PMS2: variants seen among roughly 807,000 people sequenced by gnomAD.
PMS2 encodes the protein PMS1 homolog 2, mismatch repair system component, also known as mismatch repair endonuclease PMS2.
In PMS2, 69 loss-of-function variants were observed where a neutral mutation model predicts 90.0. The ratio of observed to expected loss-of-function variants is 0.77; its 90% CI spans 0.63 to 0.94. PMS2 has a LOEUF of 0.94. Ranked by LOEUF, PMS2 falls within the 40% of genes least tolerant of loss-of-function variation. The pLI is 0.00. For synonymous variants in PMS2, 332 were observed against 375.1 expected (o/e 0.89, Z 1.33); for missense variants, 966 against 1,040.2 (o/e 0.93, Z 0.98).
rs147399413 is a variant in PMS2, at chr7:5,987,556, G to A, written c.1209C>T (p.Ser403=). 31 of 1,613,546 alleles carry A rather than the reference G, an allele frequency of 1.9e-5. No homozygotes were observed. In the Admixed American group the frequency reaches 4.8e-4, roughly 25 times the overall value. ...EKPMVEKQDQ[S]PSLRTGEEKK... is the part of the protein sequence containing the mutation. ...TTTCTTCTCCAGTCCTTAATGAAGG[G>A]GATTGATCCTGCTTTTCTACCATGG... Residue 403 remains serine, a synonymous_variant, in exon 11 of 15, where the codon TCC becomes TCT. Transcript: ENST00000265849.
At chr7:6,005,070 A>G (rs1168185033) in intron 2 of PMS2, among the ~76,000 whole-genome samples, 2 of 151,798 alleles carry the variant, frequency 1.3e-5, no homozygotes, top group African/African-American at 2.4e-5. Context: ...ACATCTGGCT[A>G]ATTTTTGTAT....
chr7:5,992,074 G>A lies in PMS2; in HGVS notation c.904-17C>T, dbSNP rs758503886. On this transcript the variant is annotated splice_polypyrimidine_tract_variant and intron_variant, in intron 8 of 14. Transcript: ENST00000265849. ...TCTGCAGACCTGCACAAAATACAAG[G>A]AGTAGAAAAGAATAAATGACAAATG... 1 of 1,347,406 alleles carries A rather than the reference G, an allele frequency of 7.4e-7. No homozygotes were observed. The allele number at this position is 1,347,406 out of a possible 1,614,324, so 83.5% of individuals were successfully genotyped here. A position where few individuals can be genotyped will look rare whatever the true frequency, so the allele number is the denominator to read the frequency against.
rs1248285302 is a variant in PMS2 at position 5,990,284 on chromosome 7, A to T, written c.989-329T>A. Among the ~76,000 whole-genome samples, 4 of 152,354 alleles carry T rather than the reference A, an allele frequency of 2.6e-5. No homozygotes were observed. The East Asian group carries it at 7.7e-4, about 29-fold the overall frequency. ...TGGCCTCCCAAAGTTCTGGGATTAC[A>T]GGCGTGAGCCACCGCGCCCAGCCAA... On this transcript the variant is annotated intron_variant, in intron 9 of 14. Transcript: ENST00000265849.
intron 2 of PMS2, among the ~76,000 whole-genome samples, chr7:6,005,192 A>G (rs1250752953): frequency 6.8e-6 from 1 of 147,684 alleles, no homozygotes; most frequent in African/African-American, 2.5e-5. Flanking sequence ...GATGTGAGCC[A>G]CTACTCCAGC....
intron 11 of PMS2, among the ~76,000 whole-genome samples, chr7:5,986,040 C>T (rs1239031447): frequency 1.5e-5 from 2 of 130,564 alleles, no homozygotes; most frequent in Non-Finnish European, 3.4e-5. Flanking sequence ...GCACAAATAC[C>T]ACCTCCCCTG....
intron 11 of PMS2, 86 bp downstream of exon 11, chr7:5,986,673 C>G (rs1782902075): frequency 2.7e-6 from 3 of 1,099,836 alleles, no homozygotes; most frequent in Non-Finnish European, 2.5e-6. Flanking sequence ...GCCTGCGCAA[C>G]AGAGCAAGAC....
intron 2 of PMS2, among the ~76,000 whole-genome samples, chr7:6,004,825 T>C (rs1348893165): frequency 6.6e-6 from 1 of 152,208 alleles, no homozygotes; most frequent in Non-Finnish European, 1.5e-5. Context: ...AATTTCCTCA[T>C]TTGTAAAATA....
At chr7:5,995,405 A>G (rs1393021217) in intron 8 of PMS2, 129 bp downstream of exon 8, 2 of 701,514 alleles carry the variant, frequency 2.9e-6, no homozygotes, top group Non-Finnish European at 2.6e-6. Flanking sequence ...AATGCACAAA[A>G]TAAGATAATG....
chr7:5,995,503 G>A (rs374978937), intron 8 of PMS2, 31 bp downstream of exon 8: 2 of 1,425,930 alleles, frequency 1.4e-6, no homozygotes, highest in South Asian at 1.1e-5. Flanking sequence ...AAGGCATAAA[G>A]AACAAACTAA....
chr7:5,999,057 G>T (rs576436089), intron 6 of PMS2, 51 bp downstream of exon 6: 3 of 1,539,630 alleles, frequency 1.9e-6, no homozygotes, highest in South Asian at 1.1e-5. Flanking sequence ...ATGGAAACCC[G>T]CTATAATCAC....
chr7:5,989,356 G>C (rs2128745099), intron 10 of PMS2, among the ~76,000 whole-genome samples: 1 of 152,074 alleles, frequency 6.6e-6, no homozygotes, highest in Non-Finnish European at 1.5e-5. Flanking sequence ...TCTTGAACGT[G>C]GGAGGCTTCA....
rs780355450 is a variant in PMS2, at chr7:5,973,342, G to A, written c.*57C>T. The A allele has an allele frequency of 3.1e-6, 4 of 1,282,642 alleles. No homozygotes were observed. Among genetic ancestry groups the A allele is most frequent in the Non-Finnish European group, 4.4e-6 (4 of 910,016 alleles). 79.5% of individuals were successfully genotyped at this position (1,282,642 alleles called of 1,614,324 possible). A position where few individuals can be genotyped will look rare whatever the true frequency, so the allele number is the denominator to read the frequency against. On this transcript the variant is annotated 3_prime_UTR_variant, in exon 15 of 15. Coordinates refer to ENST00000265849, the MANE Select transcript of PMS2 (RefSeq NM_000535.7). ...AACAAAAAAGGTTAGTGAAGACTCT[G>A]TCTTTCAAAACATAAAAATCTGCGA...
At chr7:5,995,188 A>C (rs7455872) in intron 8 of PMS2, among the ~76,000 whole-genome samples, 88,383 of 151,356 alleles carry the variant, frequency 0.58, 26,552 homozygotes, top group East Asian at 0.79. Flanking sequence ...CAGGCGTGGA[A>C]CACCATGCCT....
At chr7:5,997,130 C>T (rs1301027443) in intron 7 of PMS2, among the ~76,000 whole-genome samples, 196 bp downstream of exon 7, 1 of 151,386 alleles carries the variant, frequency 6.6e-6, no homozygotes, top group East Asian at 2.0e-4. Context: ...AGGAGAATTG[C>T]TTGAACTCAG....
At position 5,993,304 on chromosome 7, in the gene PMS2, G is replaced by C. The variant is rs138211261; in HGVS notation, c.904-1247C>G. Among the ~76,000 whole-genome samples the C allele has an allele frequency of 7.2e-3, 1,032 of 143,268 alleles. 4 individuals are homozygous for C. The highest frequency in any genetic ancestry group is 0.011 in the Admixed American group (142 of 13,410). The allele number at this position is 143,268 out of a possible 152,430, so 94.0% of individuals were successfully genotyped here. On this transcript the variant is annotated intron_variant, in intron 8 of 14. Transcript: ENST00000265849. ...GAGAATTGCTTGAACCTGGGAGGGA[G>C]AGCTTGCAGTGAGCCAAGATCACGT...
intron 7 of PMS2, 97 bp downstream of exon 7, chr7:5,997,229 A>AAG (rs1264371779): frequency 5.6e-6 from 4 of 715,198 alleles, no homozygotes; most frequent in South Asian, 5.0e-5. Flanking sequence ...AAAAAAAAAA[A>AAG]GACACGAAAC....
At chr7:5,979,065 G>A (rs576763801) in intron 12 of PMS2, among the ~76,000 whole-genome samples, 9 of 147,920 alleles carry the variant, frequency 6.1e-5, no homozygotes, top group Admixed American at 4.7e-4. Flanking sequence ...GCATGGTGGC[G>A]CACGCCTGTA....
At position 6,007,087 on chromosome 7, in the gene PMS2, C is replaced by CATTATTATTATTATT. The variant is rs10592354; in HGVS notation, c.24-1071_24-1057dup. On this transcript the variant is annotated intron_variant, in intron 1 of 14. Transcript: ENST00000265849. The stretch of plus-strand genomic sequence containing the variant: ...TCCTTTCCCTTCATCAAGTCCCCTA[C>CATTATTATTATTATT]ATTATTATTATTATTATTATTATTA... 4.7e-5 allele frequency among the ~76,000 whole-genome samples: 7 copies of CATTATTATTATTATT among 147,428 alleles called. No individual in the cohort carries two copies. The East Asian group carries it at 1.2e-3, about 25-fold the overall frequency.
intron 7 of PMS2, among the ~76,000 whole-genome samples, chr7:5,997,013 G>A (rs566654834): frequency 6.6e-6 from 1 of 151,920 alleles, no homozygotes; most frequent in Admixed American, 6.6e-5. Context: ...TCAGGAGTTC[G>A]AGACCAGCCT....
Sources: allele counts gnomAD v4.1 joint callset (sites outside exome capture counted in the v4.1 genomes callset), GRCh38; gene constraint gnomAD v4.1.1; transcripts MANE v1.5; gene names NCBI Gene and HGNC (gene_info 2026-07-23, HGNC 2026-07-21).